The following DSCAM variants were observed in gnomAD, a reference collection of about 807,000 sequenced individuals.
DSCAM encodes cell adhesion molecule DSCAM.
DSCAM carries 47 observed loss-of-function variants against 217.7 expected under a neutral mutation model. The observed-to-expected ratio is 0.22, with a 90% confidence interval of 0.17 to 0.28. The LOEUF (loss-of-function observed/expected upper bound fraction) is 0.28. Among genes scored for constraint, DSCAM ranks in the 10% least tolerant of loss-of-function variants. DSCAM has a pLI of 1.00. For missense variants in DSCAM, 2,080 were observed against 2,618.3 expected, an observed-to-expected ratio of 0.79 and a Z score of 4.49; for synonymous variants, 1,056 against 1,015.3, an observed-to-expected ratio of 1.04 and a Z score of -0.76.
At chr21:40,421,259 C>A (rs1251357594) in intron 3 of DSCAM, among the ~76,000 whole-genome samples, 1 of 152,172 alleles carries the variant, frequency 6.6e-6, no homozygotes, top group Non-Finnish European at 1.5e-5. Context: ...ATTCACCTCA[C>A]CCCTGACGTT....
chr21:40,804,254 A>G (rs1352173074), intron 1 of DSCAM, among the ~76,000 whole-genome samples: 1 of 152,214 alleles, frequency 6.6e-6, no homozygotes, highest in Admixed American at 6.5e-5. Flanking sequence ...CACAGAGTCC[A>G]TGCACCTTCC....
intron 9 of DSCAM, among the ~76,000 whole-genome samples, chr21:40,305,437 T>C (rs1365949510): frequency 2.0e-5 from 3 of 151,840 alleles, no homozygotes; most frequent in South Asian, 2.1e-4. Flanking sequence ...AGAAGCTCTT[T>C]AGTTTAATTA....
chr21:40,796,104 T>C (rs948170870), intron 1 of DSCAM, among the ~76,000 whole-genome samples: 12 of 152,314 alleles, frequency 7.9e-5, no homozygotes, highest in African/African-American at 2.6e-4. Context: ...TAAGTCACAA[T>C]GGAAAAGTGT....
At chr21:40,560,476 G>T (rs753266462) in intron 3 of DSCAM, among the ~76,000 whole-genome samples, 1 of 152,140 alleles carries the variant, frequency 6.6e-6, no homozygotes, top group African/African-American at 2.4e-5. Flanking sequence ...CACCCCATCC[G>T]TACTGAACCA....
At chr21:40,843,367 CAT>C (rs1028385538) in intron 1 of DSCAM, among the ~76,000 whole-genome samples, 6 of 104,354 alleles carry the variant, frequency 5.7e-5, no homozygotes, top group Admixed American at 2.0e-4. Context: ...GGAATGCATG[CAT>C]GTGTGTGTGT....
chr21:40,515,822 T>C, intron 3 of DSCAM, among the ~76,000 whole-genome samples: 1 of 152,184 alleles, frequency 6.6e-6, no homozygotes, highest in Middle Eastern at 3.2e-3. Context: ...AAGTATCTCA[T>C]GTGTCTAGTA....
intron 11 of DSCAM, among the ~76,000 whole-genome samples, chr21:40,236,723 A>G (rs1324311944): frequency 6.6e-6 from 1 of 152,210 alleles, no homozygotes; most frequent in Non-Finnish European, 1.5e-5. Flanking sequence ...AATAATTATT[A>G]AATGAGTTAA....
At chr21:40,317,515 C>CT (rs961973565) in intron 8 of DSCAM, among the ~76,000 whole-genome samples, 19 of 151,218 alleles carry the variant, frequency 1.3e-4, no homozygotes, top group South Asian at 4.2e-4. Flanking sequence ...GTGTCCTGTT[C>CT]TTTTTTTTTC....
intron 29 of DSCAM, 46 bp downstream of exon 29, chr21:40,055,679 G>T: frequency 6.8e-7 from 1 of 1,466,182 alleles, no homozygotes; most frequent in Non-Finnish European, 9.5e-7. Flanking sequence ...GAGAAGGCAT[G>T]GCTGTGGCAG....
At chr21:40,769,100 G>A (rs1354459680) in intron 1 of DSCAM, among the ~76,000 whole-genome samples, 2 of 144,280 alleles carry the variant, frequency 1.4e-5, no homozygotes, top group Non-Finnish European at 3.0e-5. Context: ...GCTCATGGGG[G>A]CCCTTCCCCA....
At chr21:40,272,269 C>G (rs1423306146) in intron 11 of DSCAM, among the ~76,000 whole-genome samples, 1 of 152,036 alleles carries the variant, frequency 6.6e-6, no homozygotes, top group Non-Finnish European at 1.5e-5. Context: ...GCCTCCTAAT[C>G]GTTATCTCAC....
chr21:40,288,264 G>C (rs1353836999), intron 10 of DSCAM, among the ~76,000 whole-genome samples: 1 of 152,112 alleles, frequency 6.6e-6, no homozygotes, highest in East Asian at 1.9e-4. Context: ...AATTATTAAT[G>C]TTCATAAAAG....
At chr21:40,228,644 T>TTTTC (rs201511120) in intron 11 of DSCAM, among the ~76,000 whole-genome samples, 2,018 of 127,526 alleles carry the variant, frequency 0.016, 81 homozygotes, top group East Asian at 0.15. Context: ...ACCTCTTTTC[T>TTTTC]TTTTTTTTTT....
At chr21:40,647,845 C>T (rs866404148) in intron 3 of DSCAM, among the ~76,000 whole-genome samples, 3 of 152,206 alleles carry the variant, frequency 2.0e-5, no homozygotes, top group Middle Eastern at 6.8e-3. Flanking sequence ...AATAAGACAC[C>T]CAACAGCATC....
intron 10 of DSCAM, among the ~76,000 whole-genome samples, chr21:40,292,937 C>T (rs545815803): frequency 1.3e-5 from 2 of 152,136 alleles, no homozygotes; most frequent in African/African-American, 4.8e-5. Flanking sequence ...GGGGTTTCAC[C>T]GTGTTAGCCA....
At chr21:40,022,744 CT>C in intron 32 of DSCAM, among the ~76,000 whole-genome samples, 1 of 150,964 alleles carries the variant, frequency 6.6e-6, no homozygotes, top group South Asian at 2.1e-4. Context: ...CCTTGGTGCT[CT>C]TGCCTTTAGA....
At chr21:40,342,444 T>A (rs2074503108) in intron 6 of DSCAM, among the ~76,000 whole-genome samples, 2 of 151,718 alleles carry the variant, frequency 1.3e-5, no homozygotes, top group African/African-American at 2.4e-5. Flanking sequence ...TGTTTTCTTT[T>A]GGAGACTGTG....
At chr21:40,821,958 C>G (rs566740099) in intron 1 of DSCAM, among the ~76,000 whole-genome samples, 1 of 151,916 alleles carries the variant, frequency 6.6e-6, no homozygotes, top group East Asian at 1.9e-4. Context: ...CAACAAACCT[C>G]CATGACACAA....
At chr21:40,405,972 G>A (rs1206511206) in intron 3 of DSCAM, among the ~76,000 whole-genome samples, 1 of 152,202 alleles carries the variant, frequency 6.6e-6, no homozygotes, top group Non-Finnish European at 1.5e-5. Context: ...ACTCCAGCCT[G>A]TGCAACAGAG....
Sources: allele counts gnomAD v4.1 joint callset (sites outside exome capture counted in the v4.1 genomes callset), GRCh38; gene constraint gnomAD v4.1.1; transcripts MANE v1.5; gene names NCBI Gene and HGNC (gene_info 2026-07-23, HGNC 2026-07-21).